CD9: variants seen among roughly 807,000 people sequenced by gnomAD.
CD9 encodes CD9 molecule, also known as CD9 antigen.
In CD9, 10 loss-of-function variants were observed where a neutral mutation model predicts 31.4. The observed-to-expected ratio is 0.32, with a 90% CI of 0.20 to 0.54. The LOEUF (loss-of-function observed/expected upper bound fraction) is 0.54, where lower values mean the gene tolerates loss of function less well. Among genes scored for constraint, CD9 ranks in the 20% least tolerant of loss-of-function variants. The pLI is 0.94. For missense variants in CD9, 259 were observed against 300.1 expected (o/e 0.86, Z 1.01); for synonymous variants, 113 against 114.1 (o/e 0.99, Z 0.06).
In CD9 at chr12:6,217,370, G is replaced by GA. The variant is rs1299635250; in HGVS notation, c.67-8045dup. On this transcript the variant is annotated intron_variant, in intron 1 of 7. Transcript: ENST00000009180. ...AACCCTGTCTCTACAAAAAAAATAA[G>GA]AAAAAAAAAAATTAGCCATGTATGG... 8.7e-3 allele frequency among the ~76,000 whole-genome samples: 1,285 copies of GA among 147,784 alleles called. 22 individuals are homozygous for GA. Among genetic ancestry groups the GA allele is most frequent in the African/African-American group, 0.028 (1,143 of 40,470 alleles).
chr12:6,231,018 G>T (rs962610060), intron 2 of CD9, among the ~76,000 whole-genome samples: 1 of 152,200 alleles, frequency 6.6e-6, no homozygotes, highest in Non-Finnish European at 1.5e-5. Flanking sequence ...TGCTCGGGGT[G>T]CAGATGTGGG....
In CD9 at chr12:6,213,484, G is replaced by A. The variant is rs375744310; in HGVS notation, c.67-11942G>A. Reference sequence around the variant, plus strand: ...TGCCCCATTGGCAGAGACTCGCTTTGTGGAGCTCAACTTGGAAATTAATTT... The same window carrying A: ...TGCCCCATTGGCAGAGACTCGCTTTATGGAGCTCAACTTGGAAATTAATTT... On this transcript the variant is annotated intron_variant, in intron 1 of 7. Coordinates refer to ENST00000009180, the MANE Select transcript of CD9 (RefSeq NM_001769.4). 3.9e-5 allele frequency among the ~76,000 whole-genome samples: 6 copies of A among 152,232 alleles called. No homozygotes were observed. In the East Asian group the frequency reaches 5.8e-4, roughly 15 times the overall value.
chr12:6,217,412 T>C (rs575170447), intron 1 of CD9, among the ~76,000 whole-genome samples: 2 of 151,850 alleles, frequency 1.3e-5, no homozygotes, highest in African/African-American at 2.4e-5. Flanking sequence ...CCACCTGTGG[T>C]GCCAGCTACT....
chr12:6,201,695 A>G (rs1442634833), intron 1 of CD9, among the ~76,000 whole-genome samples: 1 of 152,234 alleles, frequency 6.6e-6, no homozygotes, highest in Non-Finnish European at 1.5e-5. Flanking sequence ...TGCCACTCTC[A>G]AGATAGATGG....
At chr12:6,236,765 A>G (rs1273556440) in intron 7 of CD9, 2 of 305,170 alleles carry the variant, frequency 6.6e-6, no homozygotes, top group Non-Finnish European at 1.2e-5. Flanking sequence ...CTCTCTTCCC[A>G]TGAGGGACAG....
intron 1 of CD9, among the ~76,000 whole-genome samples, chr12:6,214,705 A>G (rs1381254922): frequency 6.6e-6 from 1 of 152,042 alleles, no homozygotes; most frequent in Non-Finnish European, 1.5e-5. Flanking sequence ...TTTGAGGAGA[A>G]GTCCAGTCTC....
chr12:6,213,638 C>G (rs954487092), intron 1 of CD9, among the ~76,000 whole-genome samples: 1 of 152,192 alleles, frequency 6.6e-6, no homozygotes, highest in Non-Finnish European at 1.5e-5. Context: ...ATTTTCTGGA[C>G]ACCTAGAACA....
At chr12:6,233,205 G>C in intron 3 of CD9, 1 of 634,986 alleles carries the variant, frequency 1.6e-6, no homozygotes, top group Non-Finnish European at 2.8e-6. Context: ...TCATGTCCGG[G>C]CACCTTGCCT....
intron 1 of CD9, among the ~76,000 whole-genome samples, chr12:6,220,789 A>G (rs1946285084): frequency 6.6e-6 from 1 of 152,200 alleles, no homozygotes; most frequent in African/African-American, 2.4e-5. Context: ...GAATTCCCTC[A>G]TCCTCCTCCC....
Position 6,236,215 on chromosome 12 carries a change from G to C in CD9, c.561G>C (p.Glu187Asp). 6.2e-7 allele frequency: 1 copy of C among 1,614,214 alleles called. No homozygotes were observed. Among genetic ancestry groups the C allele is most frequent in the Non-Finnish European group, 8.5e-7 (1 of 1,180,046 alleles). Residue 187 changes from glutamate to aspartate, a missense_variant, in exon 7 of 8, where the codon GAG (glutamate) becomes GAC (aspartate). Transcript: ENST00000009180. ...TVKSCPDAIK[E>D]VFDNKFHIIG... ...AGTCCTGTCCTGATGCCATCAAAGAGGTCTTCGACAATAAATTCCACATCA... is the reference window on the plus strand; with the variant it reads ...AGTCCTGTCCTGATGCCATCAAAGACGTCTTCGACAATAAATTCCACATCA...
intron 2 of CD9, among the ~76,000 whole-genome samples, chr12:6,228,575 A>G (rs952090622): frequency 1.6e-4 from 24 of 151,344 alleles, no homozygotes; most frequent in African/African-American, 5.1e-4. Flanking sequence ...AAAAAAAAAA[A>G]AAAAAACAGC....
chr12:6,207,423 T>C (rs576308158), intron 1 of CD9, among the ~76,000 whole-genome samples: 1 of 152,340 alleles, frequency 6.6e-6, no homozygotes, highest in Admixed American at 6.5e-5. Context: ...GACTCTCAGC[T>C]TAATCATTGC....
intron 1 of CD9, among the ~76,000 whole-genome samples, chr12:6,202,607 G>A (rs1003464713): frequency 6.6e-6 from 1 of 152,208 alleles, no homozygotes; most frequent in African/African-American, 2.4e-5. Flanking sequence ...AGGCTCACAG[G>A]GCCACTGGTA....
At chr12:6,225,646 C>A in intron 2 of CD9, 112 bp downstream of exon 2, 1 of 671,768 alleles carries the variant, frequency 1.5e-6, no homozygotes, top group East Asian at 2.7e-5. Flanking sequence ...GACTTTTGCT[C>A]TAGCCACGCT....
chr12:6,216,688 G>A (rs1765627698), intron 1 of CD9, among the ~76,000 whole-genome samples: 1 of 152,158 alleles, frequency 6.6e-6, no homozygotes, highest in Non-Finnish European at 1.5e-5. Flanking sequence ...GTTTGCAGGT[G>A]TGAAGCAGAT....
intron 1 of CD9, among the ~76,000 whole-genome samples, chr12:6,216,748 C>A (rs2268013): frequency 6.6e-6 from 1 of 151,880 alleles, no homozygotes; most frequent in Non-Finnish European, 1.5e-5. Flanking sequence ...GACTCCCACA[C>A]AAACCAGGAA....
In CD9 at chr12:6,233,547, A is replaced by T. The variant is rs374180542; in HGVS notation, c.348+61A>T. On this transcript the variant is annotated intron_variant, in intron 4 of 7. Transcript: ENST00000009180. ...GTTGGGGGATGGGGGACAGTGAAGC[A>T]GGGGGCAAGTCCTGGCTGGGCACTT... The T allele has an allele frequency of 1.6e-4, 204 of 1,271,460 alleles. No homozygotes were observed. The African/African-American group carries it at 2.7e-3, about 17-fold the overall frequency. The allele number at this position is 1,271,460 out of a possible 1,614,324, so 78.8% of individuals were successfully genotyped here.
At chr12:6,200,745 GGACGGCCGC>G in intron 1 of CD9, 180 bp downstream of exon 1, 2 of 479,316 alleles carry the variant, frequency 4.2e-6, no homozygotes, top group Non-Finnish European at 7.3e-6. Context: ...GAGCCGGGCG[GGACGGCCGC>G]GACGGGCGCA....
chr12:6,220,900 G>A (rs999239697), intron 1 of CD9, among the ~76,000 whole-genome samples: 5 of 152,150 alleles, frequency 3.3e-5, no homozygotes, highest in African/African-American at 7.2e-5. Flanking sequence ...GGACTTAGTC[G>A]GATTTCACTA....
Sources: allele counts gnomAD v4.1 joint callset (sites outside exome capture counted in the v4.1 genomes callset), GRCh38; gene constraint gnomAD v4.1.1; transcripts MANE v1.5; gene names NCBI Gene and HGNC (gene_info 2026-07-23, HGNC 2026-07-21).